RNF213: variants seen among roughly 807,000 people sequenced by gnomAD.
RNF213 encodes the protein E3 ubiquitin-protein ligase RNF213.
A neutral mutation model predicts 514.4 loss-of-function variants in RNF213; 341 were observed. That is an observed-to-expected ratio of 0.66 (90% CI 0.61 to 0.73). The LOEUF (loss-of-function observed/expected upper bound fraction) is 0.73. Ranked by LOEUF, RNF213 falls within the 30% of genes least tolerant of loss-of-function variation. RNF213 has a pLI of 0.00. For synonymous variants in RNF213, 2,655 were observed against 2,658.2 expected (o/e 1.00, Z 0.04); for missense variants, 5,767 against 6,615.6 (o/e 0.87, Z 4.45).
At chr17:80,369,740 T>C (rs2079440961) in intron 45 of RNF213, 28 bp from the exon 46 acceptor site, 1 of 1,604,640 alleles carries the variant, frequency 6.2e-7, no homozygotes, top group South Asian at 1.1e-5. Flanking sequence ...TCTCATGCAG[T>C]GAGCTGCCTT....
intron 42 of RNF213, among the ~76,000 whole-genome samples, chr17:80,365,812 C>G (rs1187720546): frequency 6.6e-6 from 1 of 152,222 alleles, no homozygotes. Context: ...GGGAGATGCA[C>G]AGGGCTTTCA....
chr17:80,339,954 C>G lies in RNF213; in HGVS notation c.5587C>G (p.Leu1863Val), dbSNP rs1409780839. 6.5e-7 allele frequency: 1 copy of G among 1,536,936 alleles called. No homozygotes were observed. Among genetic ancestry groups the G allele is most frequent in the Non-Finnish European group, 8.7e-7 (1 of 1,146,932 alleles). The change falls in exon 26 of 68, where the codon CTG becomes GTG. Residue 1863 changes from leucine to valine, a missense_variant. Leu to Val is a conservative substitution (Grantham distance 32). Coordinates refer to ENST00000582970, the MANE Select transcript of RNF213 (RefSeq NM_001256071.3). ...GCCCCTGCCCACTTACGATGAGGTG[C>G]TGCTCTGCACCCCGGCAACCACCTT... ...SQPLPTYDEV[L>V]LCTPATTFEE...
At position 80,353,759 on chromosome 17, in the gene RNF213, C is replaced by A. The variant is rs764615402; in HGVS notation, c.10578+93C>A. On this transcript the variant is annotated intron_variant, in intron 34 of 67. Coordinates refer to ENST00000582970, the MANE Select transcript of RNF213 (RefSeq NM_001256071.3). The surrounding 1 kb of genome is among the most constrained non-coding windows in gnomAD (Gnocchi z 5.0). ...CTTTTGCATTGGGAGCTAGAGGAGTCGCCGCCGCTGTGCAGGGGTGAGGAT... is the reference window on the plus strand; with the variant it reads ...CTTTTGCATTGGGAGCTAGAGGAGTAGCCGCCGCTGTGCAGGGGTGAGGAT... 1.3e-6 allele frequency: 2 copies of A among 1,539,954 alleles called. No homozygotes were observed. Among genetic ancestry groups the A allele is most frequent in the Middle Eastern group, 1.7e-4 (1 of 5,930 alleles).
Position 80,358,457 on chromosome 17 carries a change from C to G in RNF213, c.11032C>G (p.Pro3678Ala). 1 of 1,614,002 alleles carries G rather than the reference C, an allele frequency of 6.2e-7. No homozygotes were observed. Among genetic ancestry groups the G allele is most frequent in the Non-Finnish European group, 8.5e-7 (1 of 1,179,904 alleles). ...IFSDTMLLNI[P>A]LVMNNERHKG... Reference sequence around the variant, plus strand: ...CAGTGACACGATGCTTCTGAACATTCCTCTTGTGATGAATAATGAAAGGTG... The same window carrying G: ...CAGTGACACGATGCTTCTGAACATTGCTCTTGTGATGAATAATGAAAGGTG... Residue 3678 changes from proline (P) to alanine (A), a missense_variant, in exon 37 of 68, where the codon CCT becomes GCT. Around this residue, in one of 13 missense-constraint regions of RNF213, gnomAD observed 919 missense variants for 1,121.0 expected, o/e 0.82. Transcript: ENST00000582970.
Position 80,393,541 on chromosome 17 carries a change from C to T in RNF213, c.*43C>T, listed in dbSNP as rs774195648. On this transcript the variant is annotated 3_prime_UTR_variant, in exon 68 of 68. Transcript: ENST00000582970. ...TCTTTGGATGACTTTGGAGAGAAGA[C>T]TCCTCTCTCCTCGTCTGCGGCGTGG... 2.5e-6 allele frequency: 4 copies of T among 1,593,916 alleles called. No homozygotes were observed. The highest frequency in any genetic ancestry group is 1.7e-5 in the Admixed American group (1 of 59,948).
chr17:80,352,960 A>G lies in RNF213; in HGVS notation c.10324A>G (p.Ile3442Val), dbSNP rs758105652. 22 of 1,613,912 alleles carry G rather than the reference A, an allele frequency of 1.4e-5. No individual in the cohort carries two copies. The highest frequency in any genetic ancestry group is 1.2e-4 in the Admixed American group (7 of 60,006). ...FHGGLWQSVH[I>V]DDLRRSTLMV... ...CACAGGGCTGTGGCAGTCTGTCCAC[A>G]TCGATGACCTCCGGAGATCCACCCT... Residue 3442 changes from isoleucine (I) to valine (V), a missense_variant, in exon 33 of 68, where the codon ATC becomes GTC. Coordinates refer to ENST00000582970, the MANE Select transcript of RNF213 (RefSeq NM_001256071.3).
intron 39 of RNF213, among the ~76,000 whole-genome samples, chr17:80,362,781 C>T (rs879528564): frequency 3.3e-5 from 5 of 152,090 alleles, no homozygotes; most frequent in East Asian, 1.9e-4. Flanking sequence ...TTTAATTGTC[C>T]GGAAATACAG....
chr17:80,300,051 C>T (rs189597325), intron 11 of RNF213, among the ~76,000 whole-genome samples: 8 of 152,158 alleles, frequency 5.3e-5, no homozygotes, highest in African/African-American at 1.4e-4. Flanking sequence ...TATAATAGAA[C>T]GATTTATATT....
intron 43 of RNF213, 28 bp from the exon 44 acceptor site, chr17:80,367,933 A>G (rs2079345892): frequency 6.2e-7 from 1 of 1,614,104 alleles, no homozygotes; most frequent in African/African-American, 1.3e-5. Context: ...TCTCTGCTTC[A>G]GAACTGATTG....
chr17:80,390,318 C>G, intron 67 of RNF213, 122 bp downstream of exon 67: 2 of 1,169,238 alleles, frequency 1.7e-6, no homozygotes, highest in Non-Finnish European at 2.5e-6. Context: ...TGCTTTTTGT[C>G]ATTACCAGGG....
chr17:80,338,635 T>G (rs977751078), intron 25 of RNF213, among the ~76,000 whole-genome samples: 4 of 87,476 alleles, frequency 4.6e-5, no homozygotes, highest in Non-Finnish European at 9.5e-5. Flanking sequence ...ATAAGGTTTT[T>G]TTTTTTCCCA....
chr17:80,283,922 A>G (rs1197715380), intron 3 of RNF213, among the ~76,000 whole-genome samples: 1 of 152,206 alleles, frequency 6.6e-6, no homozygotes, highest in African/African-American at 2.4e-5. Flanking sequence ...TATTTTAACC[A>G]TTAGAAATCT....
intron 12 of RNF213, 96 bp from the exon 13 acceptor site, chr17:80,307,032 A>G: frequency 8.6e-7 from 1 of 1,158,540 alleles, no homozygotes; most frequent in Non-Finnish European, 1.3e-6. Flanking sequence ...AATGTATACC[A>G]TATTGATGTT....
chr17:80,308,832 T>C (rs2045465381), intron 13 of RNF213, among the ~76,000 whole-genome samples, 186 bp from the exon 14 acceptor site: 1 of 152,210 alleles, frequency 6.6e-6, no homozygotes, highest in Non-Finnish European at 1.5e-5. Flanking sequence ...AAGAGGACTT[T>C]GCTTCCTTTT....
At chr17:80,320,199 C>T (rs889781279) in intron 17 of RNF213, 5 of 172,148 alleles carry the variant, frequency 2.9e-5, no homozygotes, top group African/African-American at 1.2e-4. Context: ...GTCACCCACT[C>T]CCCTCTGCAG....
At position 80,332,356 on chromosome 17, in the gene RNF213, C is replaced by T. The variant is rs1003266594; in HGVS notation, c.3868C>T (p.His1290Tyr). ...QPSYRKFIKL[H>Y]QDLKSGEVTL... ...TTCTTACAGAAAGTTCATTAAGTTG[C>T]ACCAGGATCTAAAGTCAGGAGAGGT... Residue 1290 changes from histidine (H) to tyrosine (Y), a missense_variant, in exon 21 of 68, where the codon CAC becomes TAC. Physicochemically the swap from His to Tyr is moderately conservative, Grantham distance 83. This residue lies in a region of RNF213 where 516 missense variants were observed against 566.5 expected (regional missense o/e 0.91). Coordinates refer to ENST00000582970, the MANE Select transcript of RNF213 (RefSeq NM_001256071.3). 37 of 1,537,060 alleles carry T rather than the reference C, an allele frequency of 2.4e-5. No homozygotes were observed. The highest frequency in any genetic ancestry group is 3.1e-5 in the Non-Finnish European group (36 of 1,146,916).
chr17:80,363,869 T>C lies in RNF213; in HGVS notation c.11750+79T>C, dbSNP rs977632885. 106 of 1,395,494 alleles carry C rather than the reference T, an allele frequency of 7.6e-5. 1 individual carries two copies. In the South Asian group the frequency reaches 1.2e-3, roughly 16 times the overall value. 86.4% of individuals were successfully genotyped at this position (1,395,494 alleles called of 1,614,324 possible). A position where few individuals can be genotyped will look rare whatever the true frequency, so the allele number is the denominator to read the frequency against. Reference sequence around the variant, plus strand: ...GCCTGCCAAGTGCCAGGCATGTCCATGAGAAGACGGGCAGGTGCTCCTGCC... The same window carrying C: ...GCCTGCCAAGTGCCAGGCATGTCCACGAGAAGACGGGCAGGTGCTCCTGCC... On this transcript the variant is annotated intron_variant, in intron 41 of 67. Transcript: ENST00000582970.
rs529750492 is a variant in RNF213 at position 80,286,215 on chromosome 17, G to A, written c.262-1600G>A. 2.9e-4 allele frequency among the ~76,000 whole-genome samples: 44 copies of A among 151,966 alleles called. 1 individual carries two copies. In the South Asian group the frequency reaches 8.7e-3, roughly 30 times the overall value. ...GGGTTGGTGTCGGACGCAGGCCGGT[G>A]TTGGACGCAGGCCGAGCGGGAGGCT... is the stretch of plus-strand genomic sequence containing the variant. On this transcript the variant is annotated intron_variant, in intron 3 of 67. Transcript: ENST00000582970.
chr17:80,379,630 C>A lies in RNF213; in HGVS notation c.13556C>A (p.Pro4519Gln). The A allele has an allele frequency of 6.2e-7, 1 of 1,614,028 alleles. No homozygotes were observed. Among genetic ancestry groups the A allele is most frequent in the Non-Finnish European group, 8.5e-7 (1 of 1,179,954 alleles). Reference sequence around the variant, plus strand: ...CTGTCTTCACCCTAGTGTGGCAGGCCGATGGAACAGAGCATCTGCATTGAC... The same window carrying A: ...CTGTCTTCACCCTAGTGTGGCAGGCAGATGGAACAGAGCATCTGCATTGAC... ...HPCSVGECGR[P>Q]MEQSICIDCH... The change falls in exon 55 of 68, where the codon CCG (proline) becomes CAG (glutamine). Residue 4519 changes from proline to glutamine, a missense_variant. By Grantham distance (76) the Pro-to-Gln change is moderately conservative. This residue lies in a region of RNF213 where 1,245 missense variants were observed against 1,339.0 expected (regional missense o/e 0.93). Coordinates refer to ENST00000582970, the MANE Select transcript of RNF213 (RefSeq NM_001256071.3).
Sources: allele counts gnomAD v4.1 joint callset (sites outside exome capture counted in the v4.1 genomes callset), GRCh38; gene constraint gnomAD v4.1.1; regional missense constraint gnomAD v4.1.1; non-coding constraint Gnocchi (gnomAD v3.1); transcripts MANE v1.5; gene names NCBI Gene and HGNC (gene_info 2026-07-23, HGNC 2026-07-21).